Variants in CD38 observed in about 807,000 individuals in gnomAD.
CD38 encodes ADP-ribosyl cyclase/cyclic ADP-ribose hydrolase 1.
CD38 carries 31 observed loss-of-function variants against 36.3 expected under a neutral mutation model. The observed-to-expected ratio is 0.85, with a 90% CI of 0.64 to 1.15. The LOEUF is 1.15. CD38 is among the 50% of genes most tolerant of loss of function. The probability of loss-of-function intolerance (pLI) is 0.00; values close to 1 mark genes in which losing one functional copy is unlikely to be tolerated. For synonymous variants in CD38, 131 were observed against 135.2 expected (o/e 0.97, Z 0.22); for missense variants, 380 against 371.9 (o/e 1.02, Z -0.18).
At chr4:15,809,677 C>T (rs894485069) in intron 1 of CD38, among the ~76,000 whole-genome samples, 5 of 152,158 alleles carry the variant, frequency 3.3e-5, no homozygotes, top group African/African-American at 4.8e-5. Flanking sequence ...CTCTCAGGAA[C>T]GGCTGCTGAG....
In CD38 at chr4:15,818,180, G is replaced by A. The variant is rs77062930; in HGVS notation, c.363+1540G>A. On this transcript the variant is annotated intron_variant, in intron 2 of 7. Transcript: ENST00000226279. ...GAGCTGGGTGGGGGGAGGGGCGTCC[G>A]CCATTACTGAGGCTTTAATAGGCGG... 4.4e-3 allele frequency among the ~76,000 whole-genome samples: 668 copies of A among 151,996 alleles called. 3 individuals are homozygous for A. Among genetic ancestry groups the A allele is most frequent in the Middle Eastern group, 0.01 (3 of 294 alleles).
chr4:15,797,597 C>T (rs571352880), intron 1 of CD38, among the ~76,000 whole-genome samples: 1 of 152,278 alleles, frequency 6.6e-6, no homozygotes, highest in South Asian at 2.1e-4. Flanking sequence ...GTGGCTTCAA[C>T]AATAGCATTG....
At chr4:15,836,484 T>C (rs1200000070) in intron 4 of CD38, among the ~76,000 whole-genome samples, 2 of 152,218 alleles carry the variant, frequency 1.3e-5, no homozygotes, top group African/African-American at 4.8e-5. Context: ...AGCATATCTG[T>C]GACAAGCCTT....
chr4:15,840,427 T>G (rs1370771533), intron 6 of CD38, 25 bp from the exon 7 acceptor site: 3 of 1,453,764 alleles, frequency 2.1e-6, no homozygotes, highest in Non-Finnish European at 1.9e-6. Context: ...CTTGTAATTT[T>G]AATACTTTCT....
In CD38 at chr4:15,839,581, G is replaced by A. The variant is rs924715814; in HGVS notation, c.660-445G>A. Among the ~76,000 whole-genome samples, 14 of 151,550 alleles carry A rather than the reference G, an allele frequency of 9.2e-5. 1 individual carries two copies. The East Asian group carries it at 1.8e-3, about 19-fold the overall frequency. ...TGGGACTACAGGCACCCACCACCAC[G>A]CCCAGCTAATTTTTTGTATTTTTAG... is the stretch of plus-strand genomic sequence containing the variant. On this transcript the variant is annotated intron_variant, in intron 5 of 7. Transcript: ENST00000226279.
chr4:15,825,108 C>G, intron 3 of CD38, 92 bp downstream of exon 3: 2 of 1,309,702 alleles, frequency 1.5e-6, no homozygotes, highest in Admixed American at 4.4e-5. Context: ...GTGTGGAGGA[C>G]AGAGCCACAG....
chr4:15,824,162 G>T (rs1361803051), intron 2 of CD38, among the ~76,000 whole-genome samples: 1 of 152,048 alleles, frequency 6.6e-6, no homozygotes, highest in Non-Finnish European at 1.5e-5. Flanking sequence ...GGGGTGAGGG[G>T]AGTGAGAACA....
chr4:15,779,858 C>T (rs1197111367), intron 1 of CD38, among the ~76,000 whole-genome samples: 1 of 151,504 alleles, frequency 6.6e-6, no homozygotes, highest in East Asian at 1.9e-4. Flanking sequence ...ACATAAAGAT[C>T]TATCTCATTT....
intron 1 of CD38, among the ~76,000 whole-genome samples, chr4:15,781,773 T>C (rs990194669): frequency 1.3e-5 from 2 of 152,376 alleles, no homozygotes; most frequent in African/African-American, 4.8e-5. Context: ...TTAAAATTAA[T>C]CATCACGTAC....
At chr4:15,833,767 T>A (rs1471656940) in intron 3 of CD38, among the ~76,000 whole-genome samples, 1 of 152,220 alleles carries the variant, frequency 6.6e-6, no homozygotes, top group Non-Finnish European at 1.5e-5. Context: ...TGAGGGCAAG[T>A]GTAGGAAGAC....
At chr4:15,791,189 C>T (rs1466162736) in intron 1 of CD38, among the ~76,000 whole-genome samples, 2 of 98,578 alleles carry the variant, frequency 2.0e-5, no homozygotes, top group East Asian at 5.6e-4. Flanking sequence ...GGTCAGCCCC[C>T]CGCCCGGCCA....
At chr4:15,784,403 C>T (rs1007601269) in intron 1 of CD38, among the ~76,000 whole-genome samples, 7 of 152,120 alleles carry the variant, frequency 4.6e-5, no homozygotes, top group Admixed American at 3.3e-4. Context: ...TCCTGGCGGT[C>T]AGGTAAGATG....
intron 4 of CD38, 45 bp downstream of exon 4, chr4:15,834,347 A>T (rs747573871): frequency 8.6e-7 from 1 of 1,161,364 alleles, no homozygotes; most frequent in Non-Finnish European, 1.3e-6. Context: ...AGACCACAGA[A>T]CTTAAGACGT....
At position 15,852,304 on chromosome 4, in the gene CD38, G is replaced by A. The variant is rs932998663; in HGVS notation, c.*3702G>A. On this transcript the variant is annotated 3_prime_UTR_variant, in exon 8 of 8. Coordinates refer to ENST00000226279, the MANE Select transcript of CD38 (RefSeq NM_001775.4). ...CTGTGCCTTTTGTAGCTCTTGTTTGGAAGAAGCTCAACCCATGTCTGCACA... is the reference window on the plus strand; with the variant it reads ...CTGTGCCTTTTGTAGCTCTTGTTTGAAAGAAGCTCAACCCATGTCTGCACA... The A allele has an allele frequency of 6.6e-6, 1 of 152,160 alleles. No individual in the cohort carries two copies. Among genetic ancestry groups the A allele is most frequent in the African/African-American group, 2.4e-5 (1 of 41,442 alleles). 9.4% of individuals were successfully genotyped at this position (152,160 alleles called of 1,614,324 possible). A position where few individuals can be genotyped will look rare whatever the true frequency, so the allele number is the denominator to read the frequency against.
intron 1 of CD38, among the ~76,000 whole-genome samples, chr4:15,785,526 G>A (rs935602450): frequency 2.9e-5 from 4 of 137,136 alleles, no homozygotes; most frequent in Non-Finnish European, 6.1e-5. Flanking sequence ...TCAGCCTGGA[G>A]AACGTTCCTT....
At position 15,790,297 on chromosome 4, in the gene CD38, C is replaced by G. The variant is rs533754834; in HGVS notation, c.233+11650C>G. ...CAACCTCCCTGCCTGATTCTCCTGCCTCAGCCTGCCGAGTGCCTGCGCACG... is the reference window on the plus strand; with the variant it reads ...CAACCTCCCTGCCTGATTCTCCTGCGTCAGCCTGCCGAGTGCCTGCGCACG... On this transcript the variant is annotated intron_variant, in intron 1 of 7. Coordinates refer to ENST00000226279, the MANE Select transcript of CD38 (RefSeq NM_001775.4). Among the ~76,000 whole-genome samples the G allele has an allele frequency of 4.6e-3, 700 of 152,150 alleles. 1 individual carries two copies. The highest frequency in any genetic ancestry group is 6.9e-3 in the Non-Finnish European group (469 of 67,942).
At chr4:15,802,995 T>C (rs2148918930) in intron 1 of CD38, among the ~76,000 whole-genome samples, 1 of 152,316 alleles carries the variant, frequency 6.6e-6, no homozygotes, top group African/African-American at 2.4e-5. Flanking sequence ...AATTCACATA[T>C]TTATGGCCTA....
chr4:15,836,349 G>A (rs543654650), intron 4 of CD38, among the ~76,000 whole-genome samples: 2 of 152,124 alleles, frequency 1.3e-5, no homozygotes, highest in African/African-American at 4.8e-5. Context: ...TTTCATAAGG[G>A]TGTTAATCCC....
rs1723634749 is a variant in CD38 at position 15,817,845 on chromosome 4, T to C, written c.363+1205T>C. Among the ~76,000 whole-genome samples, 2 of 152,022 alleles carry C rather than the reference T, an allele frequency of 1.3e-5. 1 individual carries two copies. The highest frequency in any genetic ancestry group is 4.1e-4 in the South Asian group (2 of 4,822). On this transcript the variant is annotated intron_variant, in intron 2 of 7. Coordinates refer to ENST00000226279, the MANE Select transcript of CD38 (RefSeq NM_001775.4). ...TGAGACCAACGCAGAAGGTGGGTGATTTCTGCATTTCCATCTGAGATCAGG... is the reference window on the plus strand; with the variant it reads ...TGAGACCAACGCAGAAGGTGGGTGACTTCTGCATTTCCATCTGAGATCAGG...
Sources: allele counts gnomAD v4.1 joint callset (sites outside exome capture counted in the v4.1 genomes callset), GRCh38; gene constraint gnomAD v4.1.1; transcripts MANE v1.5; gene names NCBI Gene and HGNC (gene_info 2026-07-23, HGNC 2026-07-21).